Variants in LHFPL4 observed in about 807,000 individuals in gnomAD.
The protein encoded by LHFPL4 is LHFPL tetraspan subfamily member 4 protein.
A neutral mutation model predicts 20.0 loss-of-function variants in LHFPL4; 6 were observed. The observed-to-expected ratio is 0.30, with a 90% CI of 0.16 to 0.59. The LOEUF (loss-of-function observed/expected upper bound fraction) is 0.59. LHFPL4 is among the 20% of genes least tolerant of loss of function. The pLI is 0.88. For synonymous variants in LHFPL4, 129 were observed against 143.8 expected (o/e 0.90, Z 0.74); for missense variants, 215 against 331.2 (o/e 0.65, Z 2.72).
chr3:9,532,171 G>A (rs1181691567), intron 2 of LHFPL4, among the ~76,000 whole-genome samples: 4 of 151,682 alleles, frequency 2.6e-5, no homozygotes, highest in South Asian at 2.1e-4. Flanking sequence ...GATTACAGGT[G>A]TGCACCACTA....
At chr3:9,522,018 C>G (rs553561018) in intron 2 of LHFPL4, among the ~76,000 whole-genome samples, 1 of 151,914 alleles carries the variant, frequency 6.6e-6, no homozygotes, top group East Asian at 1.9e-4. Context: ...CCATTTTTCT[C>G]TCCTTTCTTA....
chr3:9,543,158 G>C (rs892119189), intron 2 of LHFPL4, among the ~76,000 whole-genome samples: 1 of 151,848 alleles, frequency 6.6e-6, no homozygotes, highest in Non-Finnish European at 1.5e-5. Context: ...TTTCTCTCTC[G>C]GAGCACTCAT....
chr3:9,545,107 GA>G (rs376540323), intron 2 of LHFPL4, among the ~76,000 whole-genome samples: 6 of 152,170 alleles, frequency 3.9e-5, no homozygotes, highest in African/African-American at 7.2e-5. Context: ...AACACAAGAA[GA>G]GGGGTGGGGA....
At chr3:9,542,260 T>C (rs113824392) in intron 2 of LHFPL4, among the ~76,000 whole-genome samples, 5 of 152,274 alleles carry the variant, frequency 3.3e-5, no homozygotes, top group Admixed American at 1.3e-4. Flanking sequence ...CACTCCAGCC[T>C]GGGCACCAGA....
rs1326544458 is a variant in LHFPL4 at position 9,506,037 on chromosome 3, G to T, written c.573C>A (p.Ser191=). The T allele has an allele frequency of 6.2e-7, 1 of 1,614,218 alleles. No homozygotes were observed. Among genetic ancestry groups the T allele is most frequent in the Non-Finnish European group, 8.5e-7 (1 of 1,180,042 alleles). ...GGTTGCCCAGCACGAAGGCGAGGAA[G>T]GAGAGGATGAGGGCGTTGAGGATGC... ...IIGILNALIL[S]FLAFVLGNRQ... Residue 191 remains serine, a synonymous_variant, in exon 3 of 4, where the codon TCC becomes TCA. Transcript: ENST00000287585. This position sits in a 1 kb window ranked among gnomAD's most constrained non-coding sequence, Gnocchi z 4.5.
rs762247742 is a variant in LHFPL4, at chr3:9,505,991, C to T, written c.619G>A (p.Glu207Lys). ...CCTTTGTTCTCCGGCTTGAGCTCCT[C>T]CTGCAGCAGGTCTGTTTGCCGGTTG... Reference protein sequence around the residue: ...LGNRQTDLLQEELKPENKDFV... With the variant: ...LGNRQTDLLQKELKPENKDFV... The change falls in exon 3 of 4, where the codon GAG (glutamate) becomes AAG (lysine). Residue 207 changes from glutamate to lysine, a missense_variant. Glu to Lys is a moderately conservative substitution (Grantham distance 56). Transcript: ENST00000287585. 1.9e-6 allele frequency: 3 copies of T among 1,614,230 alleles called. No homozygotes were observed. The highest frequency in any genetic ancestry group is 4.5e-5 in the East Asian group (2 of 44,880).
In LHFPL4 at chr3:9,501,420, G is replaced by T; in HGVS notation, c.*791C>A. On this transcript the variant is annotated 3_prime_UTR_variant, in exon 4 of 4. Coordinates refer to ENST00000287585, the MANE Select transcript of LHFPL4 (RefSeq NM_198560.3). ...CCTGGGCAAAAGAGGCCAAGGTCAA[G>T]GGCTCAGTCATCAGTGAGATGTTCC... is the stretch of plus-strand genomic sequence containing the variant. 6.5e-6 allele frequency: 1 copy of T among 153,524 alleles called. No individual in the cohort carries two copies. Among genetic ancestry groups the T allele is most frequent in the Non-Finnish European group, 1.4e-5 (1 of 69,034 alleles). The allele number at this position is 153,524 out of a possible 1,614,324, so 9.5% of individuals were successfully genotyped here.
chr3:9,545,843 G>A (rs2633781), intron 2 of LHFPL4, among the ~76,000 whole-genome samples: 78,272 of 151,310 alleles, frequency 0.52, 20,751 homozygotes, highest in African/African-American at 0.65. Flanking sequence ...CGGGAGCCCA[G>A]GGTTACAGTA....
intron 2 of LHFPL4, among the ~76,000 whole-genome samples, chr3:9,549,082 GAT>G (rs1346750245): frequency 6.6e-5 from 10 of 152,156 alleles, no homozygotes; most frequent in Non-Finnish European, 1.0e-4. Flanking sequence ...TAAGTGAGCC[GAT>G]AAACCCTAGC....
At chr3:9,532,730 A>G (rs1054969858) in intron 2 of LHFPL4, among the ~76,000 whole-genome samples, 1 of 151,902 alleles carries the variant, frequency 6.6e-6, no homozygotes, top group African/African-American at 2.4e-5. Context: ...TCTGTGCATG[A>G]CTCAACACAG....
In LHFPL4 at chr3:9,533,356, C is replaced by G. The variant is rs192312998; in HGVS notation, c.406+18918G>C. Among the ~76,000 whole-genome samples, 293 of 152,292 alleles carry G rather than the reference C, an allele frequency of 1.9e-3. 4 individuals are homozygous for G. The highest frequency in any genetic ancestry group is 3.1e-4 in the Non-Finnish European group (21 of 68,030). The stretch of plus-strand genomic sequence containing the variant: ...GGATAAATAAATTGTGCAGTTTACT[C>G]CAACAAAATAGTATACAGCAGTGAA... On this transcript the variant is annotated intron_variant, in intron 2 of 3. Coordinates refer to ENST00000287585, the MANE Select transcript of LHFPL4 (RefSeq NM_198560.3).
At chr3:9,526,692 G>A (rs903929424) in intron 2 of LHFPL4, among the ~76,000 whole-genome samples, 3 of 152,226 alleles carry the variant, frequency 2.0e-5, no homozygotes, top group African/African-American at 7.2e-5. Flanking sequence ...AAGGTCATTA[G>A]GGTGGGCTCT....
chr3:9,546,958 G>A lies in LHFPL4; in HGVS notation c.406+5316C>T, dbSNP rs560250387. 1.8e-4 allele frequency among the ~76,000 whole-genome samples: 28 copies of A among 152,272 alleles called. No homozygotes were observed. In the South Asian group the frequency reaches 5.8e-3, roughly 32 times the overall value. On this transcript the variant is annotated intron_variant, in intron 2 of 3. Coordinates refer to ENST00000287585, the MANE Select transcript of LHFPL4 (RefSeq NM_198560.3). ...CAAGGCCCACAGTTGGAAAGTGGAAGAGCAGGGATTCTAAGTCCTCTATTC... is the reference window on the plus strand; with the variant it reads ...CAAGGCCCACAGTTGGAAAGTGGAAAAGCAGGGATTCTAAGTCCTCTATTC...
intron 2 of LHFPL4, among the ~76,000 whole-genome samples, chr3:9,527,809 A>AACACACACACACAC (rs58489008): frequency 2.1e-4 from 30 of 143,284 alleles, no homozygotes; most frequent in South Asian, 6.9e-4. Flanking sequence ...TTCAAATACA[A>AACACACACACACAC]ACACACACAC....
At chr3:9,540,213 T>C (rs2046468925) in intron 2 of LHFPL4, among the ~76,000 whole-genome samples, 1 of 152,126 alleles carries the variant, frequency 6.6e-6, no homozygotes, top group African/African-American at 2.4e-5. Context: ...GATGCACCTA[T>C]AGAAAAGTTT....
At chr3:9,505,048 G>A (rs2046207431) in intron 3 of LHFPL4, among the ~76,000 whole-genome samples, 1 of 151,812 alleles carries the variant, frequency 6.6e-6, no homozygotes, top group Non-Finnish European at 1.5e-5. Flanking sequence ...ATGTGAACAT[G>A]TCACGTGTAT....
Position 9,498,626 on chromosome 3 carries a change from C to G in LHFPL4, c.*3585G>C, listed in dbSNP as rs910224763. On this transcript the variant is annotated 3_prime_UTR_variant, in exon 4 of 4. Transcript: ENST00000287585. ...CCCTGTTCAGGAAACTCCAGTCCCACCCAAAGGTTAGCCGTGGGCCAGGCA... is the reference window on the plus strand; with the variant it reads ...CCCTGTTCAGGAAACTCCAGTCCCAGCCAAAGGTTAGCCGTGGGCCAGGCA... 6.5e-6 allele frequency: 1 copy of G among 152,698 alleles called. No individual in the cohort carries two copies. Among genetic ancestry groups the G allele is most frequent in the African/African-American group, 2.4e-5 (1 of 41,448 alleles). The allele number at this position is 152,698 out of a possible 1,614,324, so 9.5% of individuals were successfully genotyped here. A position where few individuals can be genotyped will look rare whatever the true frequency, so the allele number is the denominator to read the frequency against.
chr3:9,521,927 A>G (rs968452718), intron 2 of LHFPL4, among the ~76,000 whole-genome samples: 2 of 151,946 alleles, frequency 1.3e-5, no homozygotes, highest in African/African-American at 4.8e-5. Context: ...ATTTGTTACT[A>G]TTTTATATTT....
At chr3:9,503,114 T>C (rs1456126803) in intron 3 of LHFPL4, among the ~76,000 whole-genome samples, 1 of 152,020 alleles carries the variant, frequency 6.6e-6, no homozygotes, top group Non-Finnish European at 1.5e-5. Context: ...GGACCACAGG[T>C]GCGCGCCATG....
Sources: gnomAD v4.1 joint callset for allele counts (sites outside exome capture counted in the v4.1 genomes callset) on GRCh38, gnomAD v4.1.1 for gene constraint, Gnocchi (gnomAD v3.1) non-coding constraint, MANE v1.5 for transcripts, NCBI Gene and HGNC (gene_info 2026-07-23, HGNC 2026-07-21) for gene names.